Variants in TTLL11 observed in about 807,000 individuals in gnomAD.
TTLL11 encodes the protein tubulin polyglutamylase TTLL11.
In TTLL11, 42 loss-of-function variants were observed where a neutral mutation model predicts 51.7. That is an observed-to-expected ratio of 0.81 (90% CI 0.64 to 1.05). The LOEUF is 1.05. Ranked by LOEUF, TTLL11 falls within the 50% of genes least tolerant of loss-of-function variation. TTLL11 has a pLI of 0.00. For synonymous variants in TTLL11, 381 were observed against 383.5 expected, an observed-to-expected ratio of 0.99 and a Z score of 0.08; for missense variants, 799 against 940.4, an observed-to-expected ratio of 0.85 and a Z score of 1.97.
At chr9:121,998,365 C>A (rs763314025) in intron 3 of TTLL11, among the ~76,000 whole-genome samples, 4 of 152,270 alleles carry the variant, frequency 2.6e-5, no homozygotes, top group Admixed American at 6.5e-5. Context: ...CGGCTCACTG[C>A]AACCTCCGCC....
intron 1 of TTLL11, among the ~76,000 whole-genome samples, chr9:122,063,643 T>C (rs1266808084): frequency 6.6e-6 from 1 of 152,252 alleles, no homozygotes; most frequent in East Asian, 1.9e-4. Context: ...TTTTAACTTC[T>C]TATGGTTCCT....
intron 6 of TTLL11, among the ~76,000 whole-genome samples, chr9:121,959,271 C>T (rs1842132485): frequency 6.6e-6 from 1 of 152,172 alleles, no homozygotes; most frequent in Admixed American, 6.5e-5. Context: ...TTGGTGTAGA[C>T]AGTGTCTAAT....
intron 8 of TTLL11, among the ~76,000 whole-genome samples, chr9:121,831,825 G>A (rs1459722715): frequency 6.6e-6 from 1 of 152,096 alleles, no homozygotes; most frequent in African/African-American, 2.4e-5. Flanking sequence ...TTCACTCTCT[G>A]CTCCTGGTCT....
At chr9:121,978,732 T>C (rs1298946754) in intron 4 of TTLL11, among the ~76,000 whole-genome samples, 3 of 152,086 alleles carry the variant, frequency 2.0e-5, no homozygotes, top group Non-Finnish European at 4.4e-5. Context: ...TCAAATCAAG[T>C]TGGGGAGATT....
intron 1 of TTLL11, among the ~76,000 whole-genome samples, chr9:122,049,396 T>C (rs996153925): frequency 5.3e-5 from 8 of 152,150 alleles, no homozygotes; most frequent in African/African-American, 1.9e-4. Context: ...ACAGAGGTAT[T>C]ATAGTAAGGG....
At chr9:121,831,699 C>CAAAAAAAAAAAA (rs35519622) in intron 8 of TTLL11, among the ~76,000 whole-genome samples, 4 of 133,426 alleles carry the variant, frequency 3.0e-5, no homozygotes, top group African/African-American at 1.1e-4. Context: ...GACTCTGTCT[C>CAAAAAAAAAAAA]AAAAAAAAAA....
At chr9:121,839,952 T>TG (rs1488823266) in intron 8 of TTLL11, among the ~76,000 whole-genome samples, 1 of 152,154 alleles carries the variant, frequency 6.6e-6, no homozygotes, top group African/African-American at 2.4e-5. Flanking sequence ...GACAGAGCAG[T>TG]GGGTTTCAAC....
chr9:121,884,687 G>C (rs1462206349), intron 6 of TTLL11: 2 of 151,928 alleles, frequency 1.3e-5, no homozygotes, highest in African/African-American at 4.9e-5. Context: ...AACAAATTTA[G>C]AGCCTATTCA....
chr9:121,846,451 A>C (rs1837517310), intron 8 of TTLL11, among the ~76,000 whole-genome samples: 1 of 152,230 alleles, frequency 6.6e-6, no homozygotes, highest in African/African-American at 2.4e-5. Flanking sequence ...ACATGTATAC[A>C]ATACTTTATC....
intron 8 of TTLL11, among the ~76,000 whole-genome samples, chr9:121,828,042 T>C (rs1039763001): frequency 6.6e-6 from 1 of 152,170 alleles, no homozygotes; most frequent in African/African-American, 2.4e-5. Context: ...ATGAGAGTCT[T>C]AGCAGAAAGT....
At chr9:122,054,500 A>T (rs1011096319) in intron 1 of TTLL11, among the ~76,000 whole-genome samples, 1 of 152,208 alleles carries the variant, frequency 6.6e-6, no homozygotes, top group African/African-American at 2.4e-5. Flanking sequence ...GTTTTAATTA[A>T]AATTCCAGTT....
chr9:122,033,871 T>C (rs888356861), intron 2 of TTLL11, among the ~76,000 whole-genome samples: 2 of 152,224 alleles, frequency 1.3e-5, no homozygotes, highest in African/African-American at 4.8e-5. Flanking sequence ...GAAAACTCAC[T>C]GAGGACACTG....
chr9:121,918,475 T>C (rs1004685267), intron 6 of TTLL11, among the ~76,000 whole-genome samples: 1 of 152,086 alleles, frequency 6.6e-6, no homozygotes, highest in Non-Finnish European at 1.5e-5. Context: ...ATTTAAATGG[T>C]GTCACCTAAG....
intron 8 of TTLL11, among the ~76,000 whole-genome samples, chr9:121,839,140 T>C (rs1050919983): frequency 1.3e-5 from 2 of 152,262 alleles, no homozygotes; most frequent in Non-Finnish European, 2.9e-5. Context: ...AGGTCCTCTC[T>C]GTCCTCCTCA....
chr9:122,080,743 C>G (rs982638554), intron 1 of TTLL11, among the ~76,000 whole-genome samples: 1 of 151,904 alleles, frequency 6.6e-6, no homozygotes, highest in African/African-American at 2.4e-5. Context: ...AGGAAGGAAG[C>G]ACATTCCTGA....
intron 6 of TTLL11, among the ~76,000 whole-genome samples, chr9:121,971,086 C>T (rs1177611545): frequency 1.5e-5 from 2 of 136,222 alleles, no homozygotes; most frequent in Non-Finnish European, 1.6e-5. Context: ...CAGCCCCCCG[C>T]CCGGCCAGCC....
At chr9:121,888,798 A>G (rs116297240) in intron 6 of TTLL11, among the ~76,000 whole-genome samples, 1,860 of 152,362 alleles carry the variant, frequency 0.012, 43 homozygotes, top group African/African-American at 0.04. Flanking sequence ...GTGTCCACAC[A>G]GTAACAGCCG....
At chr9:122,039,177 C>A (rs1380231569) in intron 2 of TTLL11, 95 bp downstream of exon 2, 1 of 1,058,790 alleles carries the variant, frequency 9.4e-7, no homozygotes, top group Admixed American at 2.0e-5. Flanking sequence ...GTCCTCAAAT[C>A]TGATCTCAAA....
intron 4 of TTLL11, among the ~76,000 whole-genome samples, chr9:121,987,742 A>T (rs1842973868): frequency 6.6e-6 from 1 of 151,888 alleles, no homozygotes; most frequent in Non-Finnish European, 1.5e-5. Flanking sequence ...ATCTCAAGAC[A>T]CTGCTTCTTG....
Sources: allele counts gnomAD v4.1 joint callset (sites outside exome capture counted in the v4.1 genomes callset), GRCh38; gene constraint gnomAD v4.1.1; transcripts MANE v1.5; gene names NCBI Gene and HGNC (gene_info 2026-07-23, HGNC 2026-07-21).